TGFBI: variants seen among roughly 807,000 people sequenced by gnomAD.
The protein encoded by TGFBI is transforming growth factor-beta-induced protein ig-h3.
Under a neutral mutation model 73.7 loss-of-function variants are expected in TGFBI, and 50 were observed. The observed-to-expected ratio is 0.68, with a 90% CI of 0.54 to 0.86. The LOEUF (loss-of-function observed/expected upper bound fraction) is 0.86, where lower values mean the gene tolerates loss of function less well. TGFBI is among the 40% of genes least tolerant of loss of function. TGFBI has a pLI of 0.00. For missense variants in TGFBI, 839 were observed against 877.0 expected, an observed-to-expected ratio of 0.96 and a Z score of 0.55; for synonymous variants, 362 against 360.5, an observed-to-expected ratio of 1.00 and a Z score of -0.05.
intron 7 of TGFBI, among the ~76,000 whole-genome samples, chr5:136,051,810 G>T (rs1405515419): frequency 6.6e-6 from 1 of 152,164 alleles, no homozygotes; most frequent in Non-Finnish European, 1.5e-5. Flanking sequence ...AATCCCCAAG[G>T]CCTCATTCCC....
chr5:136,049,788 C>T (rs1751500190), intron 7 of TGFBI: 5 of 555,104 alleles, frequency 9.0e-6, no homozygotes, highest in Non-Finnish European at 1.6e-5. Context: ...CTACAGAATC[C>T]AGCAGCTTTT....
At chr5:136,039,122 C>G (rs1751284524) in intron 2 of TGFBI, among the ~76,000 whole-genome samples, 1 of 152,172 alleles carries the variant, frequency 6.6e-6, no homozygotes, top group African/African-American at 2.4e-5. Flanking sequence ...ATAGTTTCAA[C>G]TTTAAGGTTT....
rs373071121 is a variant in TGFBI at position 136,052,956 on chromosome 5, C to T, written c.963C>T (p.Ile321=). ...AGTCAGCTATGTGTGCTGAAGCCAT[C>T]GTTGCGGGGCTGTCTGTAGAGACCC... ...ILKSAMCAEA[I]VAGLSVETLE... Residue 321 remains isoleucine (I), a synonymous_variant, in exon 8 of 17, where the codon ATC becomes ATT. Coordinates refer to ENST00000442011, the MANE Select transcript of TGFBI (RefSeq NM_000358.3). The T allele has an allele frequency of 2.9e-5, 47 of 1,614,036 alleles. No homozygotes were observed. Among genetic ancestry groups the T allele is most frequent in the Admixed American group, 1.5e-4 (9 of 60,032 alleles).
chr5:136,056,967 G>T (rs1248176623), intron 12 of TGFBI, among the ~76,000 whole-genome samples, 172 bp downstream of exon 12: 2 of 152,074 alleles, frequency 1.3e-5, no homozygotes, highest in Non-Finnish European at 2.9e-5. Context: ...GGCCAACCAG[G>T]GACTAGCAAC....
Position 136,029,053 on chromosome 5 carries a change from T to C in TGFBI, c.-3T>C. ...GCTCGCTCGGTGCGCGTCGTCCCGCTCCATGGCGCTCTTCGTGCGGCTGCT... is the reference window on the plus strand; with the variant it reads ...GCTCGCTCGGTGCGCGTCGTCCCGCCCCATGGCGCTCTTCGTGCGGCTGCT... On this transcript the variant is annotated 5_prime_UTR_variant, in exon 1 of 17. Transcript: ENST00000442011. 1 of 1,526,370 alleles carries C rather than the reference T, an allele frequency of 6.6e-7. No individual in the cohort carries two copies. Among genetic ancestry groups the C allele is most frequent in the Non-Finnish European group, 8.7e-7 (1 of 1,143,644 alleles). 94.6% of individuals were successfully genotyped at this position (1,526,370 alleles called of 1,614,324 possible).
At chr5:136,046,257 C>T (rs1751424165) in intron 3 of TGFBI, 78 bp from the exon 4 acceptor site, 2 of 1,553,682 alleles carry the variant, frequency 1.3e-6, no homozygotes, top group East Asian at 2.3e-5. Flanking sequence ...ATGTACCGTG[C>T]TCTCTGTCAG....
chr5:136,045,437 C>G (rs1441116781), intron 3 of TGFBI, among the ~76,000 whole-genome samples: 1 of 152,032 alleles, frequency 6.6e-6, no homozygotes, highest in East Asian at 1.9e-4. Flanking sequence ...CCCAGCTACT[C>G]AGGAGGCTGA....
At chr5:136,031,360 A>AC (rs1341074022) in intron 1 of TGFBI, among the ~76,000 whole-genome samples, 2 of 152,246 alleles carry the variant, frequency 1.3e-5, no homozygotes, top group African/African-American at 4.8e-5. Context: ...GGGAAGGAAA[A>AC]CTTTGCTATT....
rs968179240 is a variant in TGFBI at position 136,063,281 on chromosome 5, G to A, written c.*55G>A. The A allele has an allele frequency of 6.7e-7, 1 of 1,497,172 alleles. No individual in the cohort carries two copies. Among genetic ancestry groups the A allele is most frequent in the African/African-American group, 1.4e-5 (1 of 72,560 alleles). The allele number at this position is 1,497,172 out of a possible 1,614,324, so 92.7% of individuals were successfully genotyped here. On this transcript the variant is annotated 3_prime_UTR_variant, in exon 17 of 17. Transcript: ENST00000442011. ...GGCAGCTCTCCGCCAATTTCTCTCA[G>A]ATTTCCACAGAGACTGTTTGAATGT...
At chr5:136,054,202 A>C in intron 9 of TGFBI, 122 bp downstream of exon 9, 61 of 1,345,938 alleles carry the variant, frequency 4.5e-5, no homozygotes, top group South Asian at 7.1e-5. Flanking sequence ...CACTCAGCTC[A>C]ACCAAAAGCA....
chr5:136,035,776 C>A (rs962126631), intron 2 of TGFBI, among the ~76,000 whole-genome samples: 4 of 152,108 alleles, frequency 2.6e-5, no homozygotes, highest in African/African-American at 9.7e-5. Context: ...GACCAGAGTG[C>A]TAGTGCCAAG....
At chr5:136,031,539 G>T (rs1751120694) in intron 1 of TGFBI, among the ~76,000 whole-genome samples, 1 of 152,252 alleles carries the variant, frequency 6.6e-6, no homozygotes, top group Admixed American at 6.5e-5. Flanking sequence ...TAGTGAGGTA[G>T]AGAGTGACTT....
chr5:136,037,387 A>G (rs1175186145), intron 2 of TGFBI, among the ~76,000 whole-genome samples: 1 of 152,116 alleles, frequency 6.6e-6, no homozygotes, highest in Non-Finnish European at 1.5e-5. Context: ...GTAGCCATAA[A>G]ATTTTTTACG....
At chr5:136,049,353 C>T (rs1049591266) in intron 6 of TGFBI, 86 bp from the exon 7 acceptor site, 4 of 1,522,164 alleles carry the variant, frequency 2.6e-6, no homozygotes, top group Admixed American at 1.9e-5. Flanking sequence ...CGAGCCCTTG[C>T]GGGGAACCAG....
Position 136,054,712 on chromosome 5 carries a change from G to T in TGFBI, c.1265-4G>T. Reference sequence around the variant, plus strand: ...CTGGACCTAACCATCACCCTTTCTTGTAGATGGAACCCCTCCAATTGATGC... The same window carrying T: ...CTGGACCTAACCATCACCCTTTCTTTTAGATGGAACCCCTCCAATTGATGC... On this transcript the variant is annotated splice_region_variant and splice_polypyrimidine_tract_variant and intron_variant, in intron 9 of 16. Transcript: ENST00000442011. The T allele has an allele frequency of 5.0e-6, 8 of 1,613,876 alleles. No individual in the cohort carries two copies. The highest frequency in any genetic ancestry group is 6.8e-6 in the Non-Finnish European group (8 of 1,179,872).
Position 136,063,306 on chromosome 5 carries a change from T to C in TGFBI, c.*80T>C, listed in dbSNP as rs921024486. 1.4e-5 allele frequency: 19 copies of C among 1,330,872 alleles called. No individual in the cohort carries two copies. The highest frequency in any genetic ancestry group is 1.8e-5 in the Non-Finnish European group (17 of 933,796). 82.4% of individuals were successfully genotyped at this position (1,330,872 alleles called of 1,614,324 possible). A position where few individuals can be genotyped will look rare whatever the true frequency, so the allele number is the denominator to read the frequency against. On this transcript the variant is annotated 3_prime_UTR_variant, in exon 17 of 17. Transcript: ENST00000442011. Reference sequence around the variant, plus strand: ...GATTTCCACAGAGACTGTTTGAATGTTTTCAAAACCAAGTATCACACTTTA... The same window carrying C: ...GATTTCCACAGAGACTGTTTGAATGCTTTCAAAACCAAGTATCACACTTTA...
At chr5:136,054,892 G>T in intron 10 of TGFBI, 31 bp downstream of exon 10, 1 of 1,608,220 alleles carries the variant, frequency 6.2e-7, no homozygotes, top group Non-Finnish European at 8.5e-7. Context: ...CATGCTCCTG[G>T]GAAGCTCCTT....
intron 1 of TGFBI, among the ~76,000 whole-genome samples, chr5:136,031,581 A>G (rs990032395): frequency 1.3e-5 from 2 of 152,232 alleles, no homozygotes; most frequent in Non-Finnish European, 1.5e-5. Flanking sequence ...TGGGAGAGTA[A>G]TAACTATGAT....
At chr5:136,061,627 T>C in intron 15 of TGFBI, 48 bp downstream of exon 15, 1 of 1,519,050 alleles carries the variant, frequency 6.6e-7, no homozygotes, top group Non-Finnish European at 9.1e-7. Flanking sequence ...CCTCAGGTCC[T>C]CTGTTTGGGC....
Sources: allele counts gnomAD v4.1 joint callset (sites outside exome capture counted in the v4.1 genomes callset), GRCh38; gene constraint gnomAD v4.1.1; transcripts MANE v1.5; gene names NCBI Gene and HGNC (gene_info 2026-07-23, HGNC 2026-07-21).